ZMAT5: variants seen among roughly 807,000 people sequenced by gnomAD.
ZMAT5 encodes zinc finger matrin-type protein 5.
ZMAT5 carries 23 observed loss-of-function variants against 28.0 expected under a neutral mutation model. The ratio of observed to expected loss-of-function variants is 0.82; its 90% confidence interval spans 0.59 to 1.16. The LOEUF is 1.16. ZMAT5 is among the 50% of genes most tolerant of loss of function. The probability of loss-of-function intolerance (pLI) is 0.00; values close to 1 mark genes in which losing one functional copy is unlikely to be tolerated. For missense variants in ZMAT5, 173 were observed against 212.7 expected (o/e 0.81, Z 1.16); for synonymous variants, 76 against 84.1 (o/e 0.90, Z 0.52).
At chr22:29,763,889 C>T (rs2068183400) in intron 1 of ZMAT5, among the ~76,000 whole-genome samples, 5 of 150,922 alleles carry the variant, frequency 3.3e-5, no homozygotes, top group Admixed American at 2.6e-4. Context: ...GAGTTCGAGG[C>T]TGCAGTGAAC....
At chr22:29,731,392 A>T in intron 5 of ZMAT5, 38 bp from the exon 6 acceptor site, 1 of 1,531,982 alleles carries the variant, frequency 6.5e-7, no homozygotes, top group African/African-American at 1.4e-5. Context: ...ATAAGAGTGC[A>T]CTACAGCCCA....
intron 1 of ZMAT5, among the ~76,000 whole-genome samples, chr22:29,760,025 AC>A (rs1407749769): frequency 1.3e-5 from 2 of 151,932 alleles, no homozygotes; most frequent in Non-Finnish European, 2.9e-5. Flanking sequence ...ACATGGTGAA[AC>A]CCCATCTCTA....
chr22:29,749,676 C>A (rs1445743854), intron 1 of ZMAT5, among the ~76,000 whole-genome samples: 2 of 152,202 alleles, frequency 1.3e-5, no homozygotes, highest in African/African-American at 4.8e-5. Context: ...CCACCCAAAT[C>A]TCATCTCGAA....
chr22:29,766,423 T>C (rs574619228), intron 1 of ZMAT5, among the ~76,000 whole-genome samples: 28 of 152,254 alleles, frequency 1.8e-4, no homozygotes, highest in Non-Finnish European at 4.0e-4. Context: ...CTGTTTGCTG[T>C]ACTGCATCTC....
At chr22:29,755,238 T>G (rs948251756) in intron 1 of ZMAT5, among the ~76,000 whole-genome samples, 4 of 151,178 alleles carry the variant, frequency 2.6e-5, no homozygotes, top group African/African-American at 9.7e-5. Flanking sequence ...GAGGTTGCAG[T>G]GAGCAGAGAT....
chr22:29,751,207 G>A (rs1220797937), intron 1 of ZMAT5, among the ~76,000 whole-genome samples: 1 of 152,154 alleles, frequency 6.6e-6, no homozygotes, highest in Non-Finnish European at 1.5e-5. Context: ...TTCTCTGGGA[G>A]ACTGGAACAG....
At chr22:29,759,172 G>A (rs1198715097) in intron 1 of ZMAT5, among the ~76,000 whole-genome samples, 1 of 152,214 alleles carries the variant, frequency 6.6e-6, no homozygotes, top group African/African-American at 2.4e-5. Context: ...CAGGTCCCAA[G>A]AGGCCAGAGT....
chr22:29,752,300 CA>C (rs143244170), intron 1 of ZMAT5, among the ~76,000 whole-genome samples: 2,104 of 152,308 alleles, frequency 0.014, 42 homozygotes, highest in African/African-American at 0.047. Context: ...CACTCTGACC[CA>C]AATGGTAAGC....
At chr22:29,731,640 C>T (rs1003118293) in intron 5 of ZMAT5, 11 of 376,204 alleles carry the variant, frequency 2.9e-5, no homozygotes, top group South Asian at 1.7e-4. Context: ...TACATATGCA[C>T]GTCCACAGCA....
chr22:29,736,719 C>CAAAAAAA (rs35069848), intron 5 of ZMAT5, among the ~76,000 whole-genome samples: 1 of 25,270 alleles, frequency 4.0e-5, no homozygotes, highest in Non-Finnish European at 7.0e-5. Context: ...GACTCCATCT[C>CAAAAAAA]AAAAAAAAAA....
chr22:29,749,631 T>C lies in ZMAT5; in HGVS notation c.-27-1060A>G, dbSNP rs117400388. Among the ~76,000 whole-genome samples, 834 of 152,328 alleles carry C rather than the reference T, an allele frequency of 5.5e-3. 2 individuals are homozygous for C. Among genetic ancestry groups the C allele is most frequent in the Middle Eastern group, 0.01 (3 of 294 alleles). ...CCCTGCTTTATTTTCCCTCATAGCA[T>C]GTATCACCCTTTGATATGGTGAGGC... On this transcript the variant is annotated intron_variant, in intron 1 of 5. Coordinates refer to ENST00000344318, the MANE Select transcript of ZMAT5 (RefSeq NM_001003692.2).
chr22:29,731,498 T>C, intron 5 of ZMAT5, 144 bp from the exon 6 acceptor site: 2 of 1,137,118 alleles, frequency 1.8e-6, no homozygotes, highest in South Asian at 1.7e-5. Context: ...GCCTCGAAAA[T>C]AGGCAGACCG....
intron 1 of ZMAT5, among the ~76,000 whole-genome samples, chr22:29,749,501 C>T (rs2068038723): frequency 1.3e-5 from 2 of 152,150 alleles, no homozygotes; most frequent in South Asian, 4.1e-4. Flanking sequence ...GAGGGGTATG[C>T]CCTCCTGCAA....
At chr22:29,755,897 C>A (rs373135753) in intron 1 of ZMAT5, among the ~76,000 whole-genome samples, 1 of 152,244 alleles carries the variant, frequency 6.6e-6, no homozygotes, top group African/African-American at 2.4e-5. Context: ...AGAGCTGGCA[C>A]GCACACTTGG....
At position 29,763,885 on chromosome 22, in the gene ZMAT5, G is replaced by A. The variant is rs185203879; in HGVS notation, c.-28+2987C>T. Among the ~76,000 whole-genome samples the A allele has an allele frequency of 1.7e-3, 262 of 151,670 alleles. 1 individual carries two copies. The highest frequency in any genetic ancestry group is 5.6e-3 in the African/African-American group (232 of 41,330). Reference sequence around the variant, plus strand: ...GAGTACCACTTGAGCCCAGGAGTTCGAGGCTGCAGTGAACTATGATCGTGC... The same window carrying A: ...GAGTACCACTTGAGCCCAGGAGTTCAAGGCTGCAGTGAACTATGATCGTGC... On this transcript the variant is annotated intron_variant, in intron 1 of 5. Transcript: ENST00000344318.
At position 29,731,227 on chromosome 22, in the gene ZMAT5, A is replaced by G; in HGVS notation, c.511T>C (p.Ter171ArgextTer40). 1 of 1,498,326 alleles carries G rather than the reference A, an allele frequency of 6.7e-7. No individual in the cohort carries two copies. The highest frequency in any genetic ancestry group is 8.8e-7 in the Non-Finnish European group (1 of 1,135,408). 92.8% of individuals were successfully genotyped at this position (1,498,326 alleles called of 1,614,324 possible). ...WPLQPRVQWG[*>R] Reference sequence around the variant, plus strand: ...GGGGTCAGTCGGGGGCAAGGGGCTCAGCCCCACTGGACTCTGGGCTGCAGA... The same window carrying G: ...GGGGTCAGTCGGGGGCAAGGGGCTCGGCCCCACTGGACTCTGGGCTGCAGA... The change falls in exon 6 of 6, where the codon TGA becomes CGA. Residue 171 changes from the stop codon to arginine (R), a stop_lost. Transcript: ENST00000344318.
At chr22:29,744,657 G>A (rs1267012227) in intron 2 of ZMAT5, among the ~76,000 whole-genome samples, 1 of 152,178 alleles carries the variant, frequency 6.6e-6, no homozygotes, top group Non-Finnish European at 1.5e-5. Context: ...GTGCCAGGTG[G>A]CTTGGGGTGG....
chr22:29,751,411 T>A (rs1020930301), intron 1 of ZMAT5, among the ~76,000 whole-genome samples: 24 of 152,210 alleles, frequency 1.6e-4, no homozygotes, highest in Admixed American at 1.4e-3. Context: ...ATGCTGATAA[T>A]ACCTGGCATT....
intron 1 of ZMAT5, 77 bp from the exon 2 acceptor site, chr22:29,748,648 G>A: frequency 6.4e-7 from 1 of 1,559,126 alleles, no homozygotes; most frequent in East Asian, 2.3e-5. Flanking sequence ...TGCTTCCTGA[G>A]GGCCAGGCCT....
Sources: gnomAD v4.1 joint callset for allele counts (sites outside exome capture counted in the v4.1 genomes callset) on GRCh38, gnomAD v4.1.1 for gene constraint, MANE v1.5 for transcripts, NCBI Gene and HGNC (gene_info 2026-07-23, HGNC 2026-07-21) for gene names.